LRRC4C: variants seen among roughly 807,000 people sequenced by gnomAD.
LRRC4C encodes leucine rich repeat containing 4C, also known as leucine-rich repeat-containing protein 4C.
Under a neutral mutation model 33.6 loss-of-function variants are expected in LRRC4C, and 5 were observed. The observed-to-expected ratio is 0.15, with a 90% CI of 0.08 to 0.31. The LOEUF is 0.31. Ranked by LOEUF, LRRC4C falls within the 10% of genes least tolerant of loss-of-function variation. LRRC4C has a pLI of 1.00. For missense variants in LRRC4C, 560 were observed against 796.7 expected (o/e 0.70, Z 3.58); for synonymous variants, 329 against 302.0 (o/e 1.09, Z -0.93).
intron 1 of LRRC4C, among the ~76,000 whole-genome samples, chr11:41,168,625 A>G (rs191371485): frequency 2.7e-4 from 41 of 151,676 alleles, no homozygotes; most frequent in Non-Finnish European, 5.1e-4. Context: ...ACAGAAATAC[A>G]TGAATCCAAA....
chr11:40,194,131 T>C (rs1391519090), intron 5 of LRRC4C, among the ~76,000 whole-genome samples: 2 of 152,042 alleles, frequency 1.3e-5, no homozygotes, highest in Admixed American at 6.6e-5. Context: ...TCCTAGAGAA[T>C]GGCAACCCCA....
intron 2 of LRRC4C, among the ~76,000 whole-genome samples, chr11:40,679,969 C>T (rs1944596848): frequency 6.6e-6 from 1 of 152,146 alleles, no homozygotes; most frequent in Non-Finnish European, 1.5e-5. Flanking sequence ...ACACTCAACG[C>T]CAGCCCGTGA....
intron 3 of LRRC4C, among the ~76,000 whole-genome samples, chr11:40,506,470 C>T (rs1170993818): frequency 6.6e-6 from 1 of 152,100 alleles, no homozygotes; most frequent in East Asian, 1.9e-4. Flanking sequence ...GAAGTAGGTA[C>T]TAATGAATAA....
intron 1 of LRRC4C, among the ~76,000 whole-genome samples, chr11:40,987,659 T>G (rs2137190832): frequency 3.1e-5 from 1 of 32,350 alleles, no homozygotes; most frequent in South Asian, 1.2e-3. Flanking sequence ...ATATCTCATA[T>G]ATATGAGATA....
At chr11:41,219,930 A>G (rs1947229676) in intron 1 of LRRC4C, among the ~76,000 whole-genome samples, 1 of 152,240 alleles carries the variant, frequency 6.6e-6, no homozygotes, top group Admixed American at 6.5e-5. Context: ...AAGGGATTCC[A>G]GAAAGCCCAG....
At chr11:40,288,027 T>A (rs1943959735) in intron 4 of LRRC4C, among the ~76,000 whole-genome samples, 1 of 152,244 alleles carries the variant, frequency 6.6e-6, no homozygotes, top group Non-Finnish European at 1.5e-5. Context: ...TCCATTTAAA[T>A]GTGCATTTAT....
intron 1 of LRRC4C, among the ~76,000 whole-genome samples, chr11:41,319,724 T>C (rs1287443782): frequency 6.6e-6 from 1 of 151,966 alleles, no homozygotes; most frequent in African/African-American, 2.4e-5. Flanking sequence ...CTAATTTTTG[T>C]ATTTTTTGTA....
chr11:40,916,750 A>T (rs959836782), intron 2 of LRRC4C, among the ~76,000 whole-genome samples: 28 of 151,946 alleles, frequency 1.8e-4, no homozygotes, highest in Non-Finnish European at 3.1e-4. Context: ...CAGAAAATTT[A>T]AAAATGTCTA....
intron 2 of LRRC4C, among the ~76,000 whole-genome samples, chr11:40,874,074 G>A (rs1033436559): frequency 6.6e-6 from 1 of 152,176 alleles, no homozygotes; most frequent in Admixed American, 6.5e-5. Context: ...TTAGATTAGA[G>A]ATCAGAAAGT....
chr11:40,358,490 A>G (rs896718548), intron 3 of LRRC4C, among the ~76,000 whole-genome samples: 1 of 152,120 alleles, frequency 6.6e-6, no homozygotes, highest in Non-Finnish European at 1.5e-5. Flanking sequence ...CGTGTTGGCC[A>G]GGCTGGTCTT....
intron 1 of LRRC4C, among the ~76,000 whole-genome samples, chr11:41,059,567 A>G (rs1858913784): frequency 6.6e-6 from 1 of 151,984 alleles, no homozygotes; most frequent in African/African-American, 2.4e-5. Flanking sequence ...TTATTTTGTT[A>G]TTATAAACTG....
intron 1 of LRRC4C, among the ~76,000 whole-genome samples, chr11:41,032,734 A>C (rs1856803084): frequency 6.6e-6 from 1 of 152,002 alleles, no homozygotes; most frequent in Non-Finnish European, 1.5e-5. Context: ...GGGAAAAAAA[A>C]CACAAGCAGT....
At chr11:40,281,989 C>T (rs1943508446) in intron 4 of LRRC4C, among the ~76,000 whole-genome samples, 1 of 152,166 alleles carries the variant, frequency 6.6e-6, no homozygotes, top group Admixed American at 6.5e-5. Context: ...GCAAATGGAT[C>T]CCTCCCAAGA....
intron 1 of LRRC4C, among the ~76,000 whole-genome samples, chr11:41,250,672 C>T (rs564754154): frequency 6.6e-5 from 10 of 152,288 alleles, no homozygotes; most frequent in East Asian, 5.8e-4. Context: ...ATGCTCAGTA[C>T]GTTTGGCTGA....
At chr11:40,728,822 T>C (rs1947419683) in intron 2 of LRRC4C, among the ~76,000 whole-genome samples, 1 of 152,106 alleles carries the variant, frequency 6.6e-6, no homozygotes, top group Non-Finnish European at 1.5e-5. Flanking sequence ...TGAAAACTTG[T>C]CATTTTCAGC....
chr11:40,523,815 G>C (rs1221747759), intron 3 of LRRC4C, among the ~76,000 whole-genome samples: 1 of 152,074 alleles, frequency 6.6e-6, no homozygotes, highest in South Asian at 2.1e-4. Context: ...TTACTTGTTT[G>C]GTTGGAATTA....
chr11:41,356,722 C>G lies in LRRC4C; in HGVS notation c.-496+102709G>C, dbSNP rs76986322. Among the ~76,000 whole-genome samples, 256 of 152,208 alleles carry G rather than the reference C, an allele frequency of 1.7e-3. 4 individuals carry two copies. The East Asian group carries it at 0.024, about 14-fold the overall frequency. On this transcript the variant is annotated intron_variant, in intron 1 of 6. Coordinates refer to ENST00000528697, the MANE Select transcript of LRRC4C (RefSeq NM_001258419.2). ...GGTGATCTGATATCATTGGTCTAAG[C>G]TCTCCTGGTTTTGTCTGAATGTTGC... is the stretch of plus-strand genomic sequence containing the variant.
chr11:41,050,653 T>C (rs1208701406), intron 1 of LRRC4C, among the ~76,000 whole-genome samples: 2 of 152,204 alleles, frequency 1.3e-5, no homozygotes. Context: ...TAGTATTCTA[T>C]GGTGTAAATG....
chr11:40,278,420 A>G (rs986704925), intron 4 of LRRC4C, among the ~76,000 whole-genome samples: 1 of 152,198 alleles, frequency 6.6e-6, no homozygotes, highest in Non-Finnish European at 1.5e-5. Flanking sequence ...TGGGTATTCA[A>G]GGCGTTTTAA....
Sources: gnomAD v4.1 joint callset for allele counts (sites outside exome capture counted in the v4.1 genomes callset) on GRCh38, gnomAD v4.1.1 for gene constraint, MANE v1.5 for transcripts, NCBI Gene and HGNC (gene_info 2026-07-23, HGNC 2026-07-21) for gene names.